Variants in ALK observed in about 807,000 individuals in gnomAD.
The protein encoded by ALK is ALK receptor tyrosine kinase, also known as ALK tyrosine kinase receptor.
Under a neutral mutation model 163.1 loss-of-function variants are expected in ALK, and 74 were observed. That is an observed-to-expected ratio of 0.45 (90% confidence interval 0.38 to 0.55). The LOEUF (loss-of-function observed/expected upper bound fraction) is 0.55, where lower values mean the gene tolerates loss of function less well. ALK is among the 20% of genes least tolerant of loss of function. The pLI is 0.00. For synonymous variants in ALK, 960 were observed against 843.2 expected, an observed-to-expected ratio of 1.14 and a Z score of -2.40; for missense variants, 2,063 against 2,105.3, an observed-to-expected ratio of 0.98 and a Z score of 0.39.
intron 5 of ALK, among the ~76,000 whole-genome samples, chr2:29,345,500 T>G (rs746425648): frequency 2.9e-4 from 44 of 151,904 alleles, no homozygotes; most frequent in Non-Finnish European, 5.9e-4. Flanking sequence ...AGTTAGGGAC[T>G]CTTACATACT....
At chr2:29,324,479 A>C (rs1344196872) in intron 6 of ALK, among the ~76,000 whole-genome samples, 1 of 152,218 alleles carries the variant, frequency 6.6e-6, no homozygotes, top group Non-Finnish European at 1.5e-5. Flanking sequence ...GTACATTTCT[A>C]GATTTTCTGT....
At chr2:29,620,067 G>T (rs959878207) in intron 3 of ALK, among the ~76,000 whole-genome samples, 14 of 152,194 alleles carry the variant, frequency 9.2e-5, no homozygotes, top group Non-Finnish European at 1.5e-5. Flanking sequence ...CTTTCGTAAT[G>T]CCTCAATCTC....
chr2:29,452,959 T>G (rs187482635), intron 4 of ALK, among the ~76,000 whole-genome samples: 1 of 152,298 alleles, frequency 6.6e-6, no homozygotes, highest in East Asian at 1.9e-4. Flanking sequence ...ATTGAAGAAC[T>G]GTCATACATG....
At chr2:29,750,677 A>C (rs147241172) in intron 1 of ALK, among the ~76,000 whole-genome samples, 26 of 131,438 alleles carry the variant, frequency 2.0e-4, no homozygotes, top group African/African-American at 8.3e-4. Context: ...GGAAGGAAGG[A>C]AGGAAGGAAG....
At position 29,541,449 on chromosome 2, in the gene ALK, C is replaced by T. The variant is rs372866267; in HGVS notation, c.953-9333G>A. ...GTGGGATTACAGGCTCACTACCACA[C>T]CCAGCTAATTTTTGTATTTTTACTA... On this transcript the variant is annotated intron_variant, in intron 3 of 28. Transcript: ENST00000389048. Among the ~76,000 whole-genome samples, 10 of 152,232 alleles carry T rather than the reference C, an allele frequency of 6.6e-5. No individual in the cohort carries two copies. The East Asian group carries it at 1.7e-3, about 26-fold the overall frequency.
chr2:29,584,339 G>C (rs1434873064), intron 3 of ALK, among the ~76,000 whole-genome samples: 1 of 152,194 alleles, frequency 6.6e-6, no homozygotes, highest in Non-Finnish European at 1.5e-5. Context: ...AATAAAATCT[G>C]AGAAAAGTTA....
intron 5 of ALK, among the ~76,000 whole-genome samples, chr2:29,355,152 G>A (rs1227355765): frequency 3.3e-5 from 5 of 152,308 alleles, no homozygotes; most frequent in South Asian, 4.1e-4. Context: ...CGACTCATGA[G>A]CATTTAGCTA....
chr2:29,523,264 C>T (rs983949782), intron 4 of ALK, among the ~76,000 whole-genome samples: 23 of 152,312 alleles, frequency 1.5e-4, no homozygotes, highest in East Asian at 3.9e-4. Context: ...CCCTGCAGAG[C>T]CAGCTCAAGT....
chr2:29,692,189 A>T (rs1209523835), intron 3 of ALK, among the ~76,000 whole-genome samples: 1 of 152,204 alleles, frequency 6.6e-6, no homozygotes, highest in Non-Finnish European at 1.5e-5. Context: ...AATTCACCAG[A>T]CAGACAAAAA....
chr2:29,485,123 C>T (rs575865309), intron 4 of ALK, among the ~76,000 whole-genome samples: 1 of 152,278 alleles, frequency 6.6e-6, no homozygotes, highest in African/African-American at 2.4e-5. Flanking sequence ...TATTGATCCT[C>T]CTCCATCTCT....
chr2:29,278,639 AG>A (rs565665666), intron 9 of ALK, among the ~76,000 whole-genome samples: 99 of 152,306 alleles, frequency 6.5e-4, no homozygotes, highest in African/African-American at 2.3e-3. Flanking sequence ...CTGGAAAACC[AG>A]GGCCCTAATA....
At chr2:29,351,415 A>C (rs1050940540) in intron 5 of ALK, among the ~76,000 whole-genome samples, 2 of 152,164 alleles carry the variant, frequency 1.3e-5, no homozygotes, top group East Asian at 1.9e-4. Context: ...CATCCCAGAC[A>C]AAAGCGTTAA....
At chr2:29,382,791 A>G (rs4458169) in intron 5 of ALK, among the ~76,000 whole-genome samples, 69,771 of 152,020 alleles carry the variant, frequency 0.46, 17,009 homozygotes, top group East Asian at 0.94. Flanking sequence ...CTGTGGTTCA[A>G]TCTATCACAT....
At chr2:29,700,592 C>T (rs141236433) in intron 2 of ALK, among the ~76,000 whole-genome samples, 147 of 152,234 alleles carry the variant, frequency 9.7e-4, no homozygotes, top group African/African-American at 3.4e-3. Context: ...ATAATAGTTG[C>T]AGGATGAACG....
At chr2:29,207,515 A>G (rs991952228) in intron 25 of ALK, among the ~76,000 whole-genome samples, 3 of 152,240 alleles carry the variant, frequency 2.0e-5, no homozygotes, top group South Asian at 2.1e-4. Context: ...GATCTATGCA[A>G]TGACTAAGAT....
At chr2:29,607,657 C>T (rs1441964709) in intron 3 of ALK, among the ~76,000 whole-genome samples, 1 of 152,206 alleles carries the variant, frequency 6.6e-6, no homozygotes, top group Admixed American at 6.5e-5. Flanking sequence ...CCAAGCATCT[C>T]TTCTCTTGGC....
intron 1 of ALK, among the ~76,000 whole-genome samples, chr2:29,773,365 T>C (rs1453537128): frequency 1.3e-5 from 2 of 152,146 alleles, no homozygotes; most frequent in Admixed American, 6.5e-5. Flanking sequence ...AACAGAGAAT[T>C]GGCCAAAACA....
At chr2:29,403,582 G>A (rs1339348468) in intron 4 of ALK, among the ~76,000 whole-genome samples, 1 of 151,706 alleles carries the variant, frequency 6.6e-6, no homozygotes, top group Admixed American at 6.6e-5. Flanking sequence ...AACAATTGGT[G>A]GGAGGGTGGG....
At chr2:29,804,806 G>A (rs995745037) in intron 1 of ALK, among the ~76,000 whole-genome samples, 8 of 152,088 alleles carry the variant, frequency 5.3e-5, no homozygotes, top group African/African-American at 1.9e-4. Context: ...CCTAGTTCTC[G>A]GAAGGCCTGT....
Sources: allele counts gnomAD v4.1 joint callset (sites outside exome capture counted in the v4.1 genomes callset), GRCh38; gene constraint gnomAD v4.1.1; transcripts MANE v1.5; gene names NCBI Gene and HGNC (gene_info 2026-07-23, HGNC 2026-07-21).